Variants in FRMD5 observed in about 807,000 individuals in gnomAD.
The protein encoded by FRMD5 is FERM domain containing 5.
In FRMD5, 20 loss-of-function variants were observed where a neutral mutation model predicts 69.0. That is an observed-to-expected ratio of 0.29 (90% CI 0.20 to 0.42). The LOEUF is 0.42. Among genes scored for constraint, FRMD5 ranks in the 10% least tolerant of loss-of-function variants. The pLI is 1.00. For missense variants in FRMD5, 595 were observed against 708.6 expected, an observed-to-expected ratio of 0.84 and a Z score of 1.82; for synonymous variants, 271 against 260.1, an observed-to-expected ratio of 1.04 and a Z score of -0.40.
chr15:43,990,996 T>C, intron 1 of FRMD5, among the ~76,000 whole-genome samples: 1 of 152,198 alleles, frequency 6.6e-6, no homozygotes. Context: ...GTACTATATA[T>C]CAGAACAGAT....
chr15:43,986,088 G>A (rs1454499689), intron 1 of FRMD5, among the ~76,000 whole-genome samples: 5 of 152,210 alleles, frequency 3.3e-5, no homozygotes, highest in Non-Finnish European at 7.3e-5. Flanking sequence ...GTAATTACAT[G>A]AAGTACAAAC....
intron 8 of FRMD5, among the ~76,000 whole-genome samples, chr15:43,889,836 G>A (rs937764682): frequency 2.0e-5 from 3 of 152,090 alleles, no homozygotes; most frequent in Admixed American, 2.0e-4. Flanking sequence ...ACCCAACTGG[G>A]ACCCCCAAGG....
At chr15:44,011,296 G>A (rs1566897188) in intron 1 of FRMD5, among the ~76,000 whole-genome samples, 1 of 151,354 alleles carries the variant, frequency 6.6e-6, no homozygotes, top group Non-Finnish European at 1.5e-5. Context: ...AAATTAATAC[G>A]GTAGTAGTGA....
chr15:44,002,661 C>T (rs1890263569), intron 1 of FRMD5, among the ~76,000 whole-genome samples: 1 of 152,082 alleles, frequency 6.6e-6, no homozygotes, highest in Non-Finnish European at 1.5e-5. Context: ...CAGAACAGGA[C>T]AGGGATTTTC....
At chr15:44,117,477 G>A (rs541340906) in intron 1 of FRMD5, among the ~76,000 whole-genome samples, 9 of 152,276 alleles carry the variant, frequency 5.9e-5, no homozygotes, top group Admixed American at 1.3e-4. Context: ...TTGGGGTAGC[G>A]GAAAGACCTC....
chr15:44,175,516 G>C (rs2077878606), intron 1 of FRMD5, among the ~76,000 whole-genome samples: 1 of 152,156 alleles, frequency 6.6e-6, no homozygotes, highest in South Asian at 2.1e-4. Flanking sequence ...TTGCTGGTGG[G>C]AATGCAAAAT....
chr15:43,898,428 G>A (rs916499869), intron 7 of FRMD5, among the ~76,000 whole-genome samples: 1 of 152,186 alleles, frequency 6.6e-6, no homozygotes, highest in African/African-American at 2.4e-5. Flanking sequence ...CAGTGATGTT[G>A]TAAAGATTCA....
intron 1 of FRMD5, among the ~76,000 whole-genome samples, chr15:44,004,233 A>G (rs1890337137): frequency 6.6e-6 from 1 of 152,234 alleles, no homozygotes; most frequent in East Asian, 1.9e-4. Context: ...TGTTAAATCA[A>G]ACTTCCAGAG....
At chr15:43,968,287 T>C (rs2090326010) in intron 1 of FRMD5, among the ~76,000 whole-genome samples, 1 of 152,208 alleles carries the variant, frequency 6.6e-6, no homozygotes, top group Admixed American at 6.5e-5. Context: ...GTGATATTTT[T>C]AAGAAGAATT....
chr15:44,164,689 C>A (rs1243351757), intron 1 of FRMD5, among the ~76,000 whole-genome samples: 1 of 152,210 alleles, frequency 6.6e-6, no homozygotes, highest in South Asian at 2.1e-4. Flanking sequence ...TTCCCAGCCT[C>A]CCCTACAGCT....
At chr15:44,183,209 G>T (rs2078040062) in intron 1 of FRMD5, among the ~76,000 whole-genome samples, 1 of 152,092 alleles carries the variant, frequency 6.6e-6, no homozygotes, top group Admixed American at 6.6e-5. Flanking sequence ...CATGCAGTGA[G>T]AAAAGGTGCA....
At chr15:44,062,925 A>G (rs1893153687) in intron 1 of FRMD5, among the ~76,000 whole-genome samples, 1 of 152,176 alleles carries the variant, frequency 6.6e-6, no homozygotes, top group Non-Finnish European at 1.5e-5. Context: ...TTGACTGTAT[A>G]TATGTGGGTC....
At chr15:44,139,727 C>CAAAAAAAAAA (rs71111842) in intron 1 of FRMD5, among the ~76,000 whole-genome samples, 159 of 72,058 alleles carry the variant, frequency 2.2e-3, no homozygotes, top group East Asian at 2.7e-3. Context: ...CCAGTCTCTA[C>CAAAAAAAAAA]AAAAAAAAAA....
intron 1 of FRMD5, among the ~76,000 whole-genome samples, chr15:43,964,705 G>C (rs184072313): frequency 1.0e-3 from 158 of 152,218 alleles, no homozygotes; most frequent in African/African-American, 3.6e-3. Flanking sequence ...AATTCCAGAT[G>C]ATGACAATTT....
chr15:44,157,535 T>G (rs1019964111), intron 1 of FRMD5, among the ~76,000 whole-genome samples: 1 of 152,194 alleles, frequency 6.6e-6, no homozygotes, highest in Admixed American at 6.5e-5. Context: ...CCTAAGCAGG[T>G]AAATCACACT....
chr15:43,874,727 C>G (rs1365098733), intron 13 of FRMD5, among the ~76,000 whole-genome samples: 1 of 151,754 alleles, frequency 6.6e-6, no homozygotes, highest in Non-Finnish European at 1.5e-5. Context: ...TGGTGAAACC[C>G]CATCTCAACT....
In FRMD5 at chr15:44,195,148, C is replaced by A; in HGVS notation, c.-94G>T. On this transcript the variant is annotated 5_prime_UTR_variant, in exon 1 of 14. Coordinates refer to ENST00000417257, the MANE Select transcript of FRMD5 (RefSeq NM_032892.5). ...GGCAGCTCCGCACCGACCCCAGGCACCTGCACCATCACCCCGGCCCCGTCG... is the reference window on the plus strand; with the variant it reads ...GGCAGCTCCGCACCGACCCCAGGCAACTGCACCATCACCCCGGCCCCGTCG... 1.1e-6 allele frequency: 1 copy of A among 942,948 alleles called. No individual in the cohort carries two copies. The allele number at this position is 942,948 out of a possible 1,614,324, so 58.4% of individuals were successfully genotyped here.
At chr15:43,992,521 G>A (rs1032133753) in intron 1 of FRMD5, among the ~76,000 whole-genome samples, 1 of 152,096 alleles carries the variant, frequency 6.6e-6, no homozygotes, top group Non-Finnish European at 1.5e-5. Flanking sequence ...GGGACTACAG[G>A]TGCATGCTAC....
At chr15:43,928,179 A>C (rs560238438) in intron 1 of FRMD5, among the ~76,000 whole-genome samples, 4 of 152,188 alleles carry the variant, frequency 2.6e-5, no homozygotes, top group African/African-American at 4.8e-5. Flanking sequence ...CCGTGAAGAC[A>C]TAGTTCCCTC....
Sources: gnomAD v4.1 joint callset for allele counts (sites outside exome capture counted in the v4.1 genomes callset) on GRCh38, gnomAD v4.1.1 for gene constraint, MANE v1.5 for transcripts, NCBI Gene and HGNC (gene_info 2026-07-23, HGNC 2026-07-21) for gene names.